Variants in GRB2 observed in about 807,000 individuals in gnomAD.
The protein encoded by GRB2 is growth factor receptor-bound protein 2.
A neutral mutation model predicts 27.4 loss-of-function variants in GRB2; 2 were observed. The ratio of observed to expected loss-of-function variants is 0.07; its 90% CI spans 0.03 to 0.23. The LOEUF is 0.23. GRB2 is among the 10% of genes least tolerant of loss of function. The pLI is 1.00. For missense variants in GRB2, 102 were observed against 282.4 expected (o/e 0.36, Z 4.58); for synonymous variants, 94 against 99.6 (o/e 0.94, Z 0.33).
intron 3 of GRB2, 184 bp from the exon 4 acceptor site, chr17:75,326,204 C>A: frequency 1.6e-6 from 1 of 614,530 alleles, no homozygotes; most frequent in East Asian, 2.8e-5. Flanking sequence ...CTTCAAAGGT[C>A]TTTAGCCTAC....
chr17:75,330,517 TACAACAA>T (rs1371648540), intron 3 of GRB2, among the ~76,000 whole-genome samples: 1 of 151,852 alleles, frequency 6.6e-6, no homozygotes, highest in African/African-American at 2.4e-5. Flanking sequence ...CTACTAAAAA[TACAACAA>T]TTCGACGGGA....
intron 2 of GRB2, among the ~76,000 whole-genome samples, chr17:75,359,549 TGTGA>T (rs986281531): frequency 2.8e-4 from 43 of 151,814 alleles, no homozygotes; most frequent in African/African-American, 8.0e-4. Flanking sequence ...TTCAGATTGG[TGTGA>T]GTAAGCACAG....
At chr17:75,392,896 G>C (rs2079007464) in intron 2 of GRB2, among the ~76,000 whole-genome samples, 1 of 152,132 alleles carries the variant, frequency 6.6e-6, no homozygotes, top group Admixed American at 6.5e-5. Flanking sequence ...CTGTCAGCAG[G>C]TTTCTTTTCG....
At chr17:75,351,997 G>A (rs970261888) in intron 2 of GRB2, among the ~76,000 whole-genome samples, 1 of 152,188 alleles carries the variant, frequency 6.6e-6, no homozygotes, top group Non-Finnish European at 1.5e-5. Context: ...ATGGACATCA[G>A]GGTTCAGGAT....
chr17:75,346,076 G>C (rs896778222), intron 2 of GRB2, among the ~76,000 whole-genome samples: 15 of 152,136 alleles, frequency 9.9e-5, no homozygotes, highest in Non-Finnish European at 1.9e-4. Flanking sequence ...GTGCGGTAGA[G>C]AGGAGAGAGT....
At chr17:75,341,474 A>T (rs1025638466) in intron 2 of GRB2, among the ~76,000 whole-genome samples, 1 of 150,960 alleles carries the variant, frequency 6.6e-6, no homozygotes, top group Non-Finnish European at 1.5e-5. Context: ...AAAAAACACA[A>T]AAGAAAAACA....
chr17:75,369,838 C>T (rs1478783226), intron 2 of GRB2, among the ~76,000 whole-genome samples: 5 of 142,928 alleles, frequency 3.5e-5, no homozygotes, highest in Non-Finnish European at 7.7e-5. Flanking sequence ...CCAGCCTGGG[C>T]AACAGAGACT....
chr17:75,334,608 C>T (rs1361829811), intron 2 of GRB2, among the ~76,000 whole-genome samples: 1 of 151,946 alleles, frequency 6.6e-6, no homozygotes, highest in East Asian at 1.9e-4. Flanking sequence ...GTAAATTAGG[C>T]ACAGTAAGAG....
chr17:75,341,375 C>G (rs528492750), intron 2 of GRB2, among the ~76,000 whole-genome samples: 2 of 148,448 alleles, frequency 1.3e-5, no homozygotes, highest in South Asian at 4.3e-4. Flanking sequence ...TCGCTTGAAA[C>G]CAGGAGGCAG....
chr17:75,333,299 C>T (rs1172331498), intron 2 of GRB2, among the ~76,000 whole-genome samples: 3 of 152,132 alleles, frequency 2.0e-5, no homozygotes, highest in Non-Finnish European at 4.4e-5. Flanking sequence ...TGGTCTTGAA[C>T]TCCTGGCCTC....
At chr17:75,321,951 A>C in intron 4 of GRB2, 124 bp from the exon 5 acceptor site, 1 of 869,162 alleles carries the variant, frequency 1.2e-6, no homozygotes, top group Non-Finnish European at 1.8e-6. Flanking sequence ...GGGACTGCAG[A>C]GCAACAAGTT....
chr17:75,402,865 C>A (rs1000572389), intron 1 of GRB2, among the ~76,000 whole-genome samples: 1 of 151,650 alleles, frequency 6.6e-6, no homozygotes, highest in Non-Finnish European at 1.5e-5. Context: ...CACCTGAAGT[C>A]GGGAGTTCCA....
At chr17:75,326,293 C>A (rs1392967216) in intron 3 of GRB2, 3 of 433,650 alleles carry the variant, frequency 6.9e-6, no homozygotes, top group Non-Finnish European at 1.3e-5. Flanking sequence ...TGAAAATGGG[C>A]CCCCCAGGCC....
Position 75,320,379 on chromosome 17 carries a change from G to T in GRB2, c.643C>A (p.Arg215=). The T allele has an allele frequency of 1.2e-6, 2 of 1,613,478 alleles. No homozygotes were observed. Among genetic ancestry groups the T allele is most frequent in the Non-Finnish European group, 1.7e-6 (2 of 1,179,476 alleles). ...TTGCTTCTTGACTCTTAGACGTTCCGGTTCACGGGGGTGACATAATTGCGG... is the reference window on the plus strand; with the variant it reads ...TTGCTTCTTGACTCTTAGACGTTCCTGTTCACGGGGGTGACATAATTGCGG... ...FPRNYVTPVN[R]NV is the part of the protein sequence containing the mutation. Residue 215 remains arginine (R), a synonymous_variant, in exon 6 of 6, where the codon CGG becomes AGG. Coordinates refer to ENST00000316804, the MANE Select transcript of GRB2 (RefSeq NM_002086.5). The surrounding 1 kb of genome is among the most constrained non-coding windows in gnomAD (Gnocchi z 4.3).
At chr17:75,383,028 A>G in intron 2 of GRB2, among the ~76,000 whole-genome samples, 1 of 151,508 alleles carries the variant, frequency 6.6e-6, no homozygotes, top group African/African-American at 2.4e-5. Flanking sequence ...AAGATTTTTA[A>G]AAGTTGTTTG....
At chr17:75,404,006 G>C (rs1049621044) in intron 1 of GRB2, among the ~76,000 whole-genome samples, 3 of 151,900 alleles carry the variant, frequency 2.0e-5, no homozygotes, top group Middle Eastern at 3.4e-3. Flanking sequence ...CCAGCTACTC[G>C]GGAGGCTGAG....
chr17:75,349,586 C>G (rs545949483), intron 2 of GRB2, among the ~76,000 whole-genome samples: 1 of 151,264 alleles, frequency 6.6e-6, no homozygotes, highest in African/African-American at 2.4e-5. Context: ...TCTTGGCCCA[C>G]TGCAACCCCC....
At chr17:75,351,916 A>C (rs183180874) in intron 2 of GRB2, among the ~76,000 whole-genome samples, 29 of 152,340 alleles carry the variant, frequency 1.9e-4, no homozygotes, top group African/African-American at 6.0e-4. Context: ...TATCACGTAT[A>C]GTTACTTCAC....
Position 75,400,621 on chromosome 17 carries a change from G to A in GRB2, c.-138+4868C>T, listed in dbSNP as rs113500580. Among the ~76,000 whole-genome samples the A allele has an allele frequency of 1.2e-4, 19 of 152,072 alleles. No homozygotes were observed. In the East Asian group the frequency reaches 3.1e-3, roughly 25 times the overall value. ...CTCCCAAGTAGCTGGGATTCCAGGCGTGTCACCACCACCTAATTTTTGAAT... is the reference window on the plus strand; with the variant it reads ...CTCCCAAGTAGCTGGGATTCCAGGCATGTCACCACCACCTAATTTTTGAAT... On this transcript the variant is annotated intron_variant, in intron 1 of 5. Coordinates refer to ENST00000316804, the MANE Select transcript of GRB2 (RefSeq NM_002086.5).
Sources: gnomAD v4.1 joint callset for allele counts (sites outside exome capture counted in the v4.1 genomes callset) on GRCh38, gnomAD v4.1.1 for gene constraint, Gnocchi (gnomAD v3.1) non-coding constraint, MANE v1.5 for transcripts, NCBI Gene and HGNC (gene_info 2026-07-23, HGNC 2026-07-21) for gene names.